DENND4A: variants seen among roughly 807,000 people sequenced by gnomAD.
DENND4A encodes DENN domain containing 4A.
In DENND4A, 70 loss-of-function variants were observed where a neutral mutation model predicts 199.3. That is an observed-to-expected ratio of 0.35 (90% CI 0.29 to 0.43). The LOEUF (loss-of-function observed/expected upper bound fraction) is 0.43. Ranked by LOEUF, DENND4A falls within the 20% of genes least tolerant of loss-of-function variation. The pLI, the probability that DENND4A is intolerant of heterozygous loss-of-function variation, is 1.00. For synonymous variants in DENND4A, 686 were observed against 766.9 expected (o/e 0.89, Z 1.74); for missense variants, 1,723 against 2,255.8 (o/e 0.76, Z 4.78).
At chr15:65,766,606 G>C (rs2076994199) in intron 1 of DENND4A, 1 of 152,160 alleles carries the variant, frequency 6.6e-6, no homozygotes, top group African/African-American at 2.4e-5. Context: ...TGTGGGGCTT[G>C]AGTGGATTTT....
intron 22 of DENND4A, among the ~76,000 whole-genome samples, chr15:65,695,697 C>T (rs2077122554): frequency 2.0e-5 from 3 of 152,112 alleles, no homozygotes; most frequent in Non-Finnish European, 4.4e-5. Flanking sequence ...ACACTATTAA[C>T]ACTAAAAACT....
At chr15:65,753,602 G>A (rs149003880) in intron 3 of DENND4A, among the ~76,000 whole-genome samples, 5,706 of 152,152 alleles carry the variant, frequency 0.038, 375 homozygotes, top group African/African-American at 0.13. Context: ...CAAGTGATCT[G>A]TCTGCCTCGG....
At chr15:65,774,174 G>A (rs1436754646) in intron 1 of DENND4A, among the ~76,000 whole-genome samples, 1 of 151,836 alleles carries the variant, frequency 6.6e-6, no homozygotes, top group Non-Finnish European at 1.5e-5. Context: ...TGGCCAACAT[G>A]GTGAAACCCT....
intron 7 of DENND4A, among the ~76,000 whole-genome samples, chr15:65,733,840 T>C (rs1396393679): frequency 6.6e-6 from 1 of 152,208 alleles, no homozygotes; most frequent in Non-Finnish European, 1.5e-5. Context: ...TTAAATAGAT[T>C]AAGGGTTGTG....
chr15:65,671,829 G>T lies in DENND4A; in HGVS notation c.4427C>A (p.Ala1476Glu), dbSNP rs1316022150. 3 of 1,612,266 alleles carry T rather than the reference G, an allele frequency of 1.9e-6. No individual in the cohort carries two copies. Among genetic ancestry groups the T allele is most frequent in the Non-Finnish European group, 2.5e-6 (3 of 1,178,488 alleles). ...GKSEVTSSFN[A>E]SNTNIFQNYA... is the part of the protein sequence containing the mutation. ...GTTCTGGAAGATATTTGTATTACTC[G>T]CGTTGAAGGAAGATGTCACTTCTGA... Residue 1476 changes from alanine to glutamate, a missense_variant, in exon 25 of 33, where the codon GCG (alanine) becomes GAG (glutamate). This residue lies in a region of DENND4A where 650 missense variants were observed against 738.1 expected (regional missense o/e 0.88). Coordinates refer to ENST00000443035, the MANE Select transcript of DENND4A (RefSeq NM_001320835.1).
chr15:65,781,746 T>C lies in DENND4A; in HGVS notation c.-102+10264A>G, dbSNP rs561895487. Among the ~76,000 whole-genome samples, 16 of 152,282 alleles carry C rather than the reference T, an allele frequency of 1.1e-4. No homozygotes were observed. The South Asian group carries it at 3.3e-3, about 32-fold the overall frequency. ...ATCTGATGCTTTGGAAAGATACTGATGCTGGAAAAAATGGCCTGGGGAGTA... is the reference window on the plus strand; with the variant it reads ...ATCTGATGCTTTGGAAAGATACTGACGCTGGAAAAAATGGCCTGGGGAGTA... On this transcript the variant is annotated intron_variant, in intron 1 of 32. Coordinates refer to ENST00000443035, the MANE Select transcript of DENND4A (RefSeq NM_001320835.1).
At chr15:65,685,838 T>A (rs552521877) in intron 23 of DENND4A, among the ~76,000 whole-genome samples, 1 of 152,236 alleles carries the variant, frequency 6.6e-6, no homozygotes. Flanking sequence ...TAAATAACCA[T>A]AAACATAAGA....
At chr15:65,665,168 G>C (rs984924955) in intron 30 of DENND4A, 177 bp downstream of exon 30, 1 of 529,920 alleles carries the variant, frequency 1.9e-6, no homozygotes, top group African/African-American at 2.0e-5. Context: ...GACCTCCATA[G>C]AAGGTAGCAC....
chr15:65,714,492 A>G (rs995015626), intron 14 of DENND4A, among the ~76,000 whole-genome samples: 13 of 151,612 alleles, frequency 8.6e-5, no homozygotes, highest in Non-Finnish European at 1.3e-4. Context: ...CATATGTAAC[A>G]TTCTCCCATC....
At chr15:65,756,546 GAAC>G in intron 2 of DENND4A, 74 bp from the exon 3 acceptor site, 1 of 1,148,128 alleles carries the variant, frequency 8.7e-7, no homozygotes, top group Non-Finnish European at 1.2e-6. Context: ...GTGCAAATAA[GAAC>G]AAAAAACTAC....
At chr15:65,663,613 A>T (rs2075945593) in intron 32 of DENND4A, among the ~76,000 whole-genome samples, 2 of 152,030 alleles carry the variant, frequency 1.3e-5, no homozygotes, top group Non-Finnish European at 2.9e-5. Flanking sequence ...CATTACCCTG[A>T]TGTAATTACA....
intron 4 of DENND4A, among the ~76,000 whole-genome samples, chr15:65,742,809 A>G (rs1037407153): frequency 2.0e-5 from 3 of 152,162 alleles, no homozygotes; most frequent in Non-Finnish European, 2.9e-5. Context: ...TGACTTGAAT[A>G]TATGCTCAAT....
chr15:65,673,616 T>C (rs976329973), intron 24 of DENND4A, among the ~76,000 whole-genome samples: 1 of 79,212 alleles, frequency 1.3e-5, no homozygotes, highest in African/African-American at 4.7e-5. Flanking sequence ...GCTTAGCAAA[T>C]AAATAACAAG....
At chr15:65,709,709 A>AT (rs2075175233) in intron 14 of DENND4A, among the ~76,000 whole-genome samples, 1 of 120,378 alleles carries the variant, frequency 8.3e-6, no homozygotes, top group East Asian at 3.9e-4. Context: ...AAAAAAAAAA[A>AT]AAAAAAAAAA....
intron 20 of DENND4A, among the ~76,000 whole-genome samples, chr15:65,698,000 C>T (rs2077208588): frequency 6.6e-6 from 1 of 151,914 alleles, no homozygotes; most frequent in South Asian, 2.1e-4. Flanking sequence ...GCCTATAATC[C>T]CAGCATTTTG....
At chr15:65,765,273 G>A (rs2076954176) in intron 1 of DENND4A, among the ~76,000 whole-genome samples, 1 of 152,144 alleles carries the variant, frequency 6.6e-6, no homozygotes, top group Non-Finnish European at 1.5e-5. Flanking sequence ...ACCCGGAATA[G>A]AAAATTTATA....
chr15:65,703,799 A>T (rs1379711206), intron 15 of DENND4A, among the ~76,000 whole-genome samples: 3 of 152,210 alleles, frequency 2.0e-5, no homozygotes, highest in Admixed American at 2.0e-4. Context: ...GCCAGTGAAC[A>T]GCCACTGCAC....
rs968472640 is a variant in DENND4A, at chr15:65,762,441, T to C, written c.-101-1003A>G. 3.3e-5 allele frequency among the ~76,000 whole-genome samples: 5 copies of C among 151,716 alleles called. No homozygotes were observed. In the East Asian group the frequency reaches 5.8e-4, roughly 18 times the overall value. ...GAGTTCAAAGCCAGCCTGGGCAATA[T>C]AGTGAGGCCCCCATCTCTAAAAAAA... On this transcript the variant is annotated intron_variant, in intron 1 of 32. Transcript: ENST00000443035.
intron 1 of DENND4A, among the ~76,000 whole-genome samples, chr15:65,787,188 T>C (rs964732577): frequency 6.6e-6 from 1 of 152,092 alleles, no homozygotes; most frequent in Admixed American, 6.5e-5. Flanking sequence ...AATTAAGAAA[T>C]TTAATAAAGT....
Sources: allele counts gnomAD v4.1 joint callset (sites outside exome capture counted in the v4.1 genomes callset), GRCh38; gene constraint gnomAD v4.1.1; regional missense constraint gnomAD v4.1.1; transcripts MANE v1.5; gene names NCBI Gene and HGNC (gene_info 2026-07-23, HGNC 2026-07-21).